The following AXDND1 variants were observed in gnomAD, a reference collection of about 807,000 sequenced individuals.
AXDND1 encodes the protein axonemal dynein light chain domain-containing protein 1.
In AXDND1, 110 loss-of-function variants were observed where a neutral mutation model predicts 137.5. The ratio of observed to expected loss-of-function variants is 0.80; its 90% CI spans 0.69 to 0.94. The LOEUF (loss-of-function observed/expected upper bound fraction) is 0.94. Ranked by LOEUF, AXDND1 falls within the 40% of genes least tolerant of loss-of-function variation. The pLI, the probability that AXDND1 is intolerant of heterozygous loss-of-function variation, is 0.00. For synonymous variants in AXDND1, 414 were observed against 399.7 expected (o/e 1.04, Z -0.43); for missense variants, 1,191 against 1,169.8 (o/e 1.02, Z -0.26).
chr1:179,400,140 C>A (rs1439384756), intron 11 of AXDND1, among the ~76,000 whole-genome samples: 2 of 152,090 alleles, frequency 1.3e-5, no homozygotes, highest in Admixed American at 6.5e-5. Context: ...CATAGTGGCA[C>A]AATTCACAAT....
At position 179,518,180 on chromosome 1, in the gene AXDND1, G is replaced by A. The variant is rs562652670; in HGVS notation, c.2497-7154G>A. On this transcript the variant is annotated intron_variant, in intron 21 of 25. Transcript: ENST00000367618. ...TCCTCGTAGCTTTAGCTTTTTCTGC[G>A]AACTGGTCCTAGTTCAGTCTTTTCT... Among the ~76,000 whole-genome samples, 15 of 152,160 alleles carry A rather than the reference G, an allele frequency of 9.9e-5. No homozygotes were observed. The South Asian group carries it at 1.7e-3, about 17-fold the overall frequency.
At chr1:179,534,299 C>T (rs1194357661) in intron 24 of AXDND1, among the ~76,000 whole-genome samples, 1 of 152,094 alleles carries the variant, frequency 6.6e-6, no homozygotes, top group Admixed American at 6.5e-5. Context: ...ATATAACGTG[C>T]TGTAGTAGCT....
intron 11 of AXDND1, among the ~76,000 whole-genome samples, chr1:179,396,176 GAA>G (rs71111985): frequency 0.38 from 40,322 of 106,082 alleles, 5,429 homozygotes; most frequent in Non-Finnish European, 0.4. Context: ...CCCATAAAAA[GAA>G]AAAAAAAAAA....
At chr1:179,448,459 A>G (rs912473912) in intron 16 of AXDND1, 2 of 499,960 alleles carry the variant, frequency 4.0e-6, no homozygotes, top group Non-Finnish European at 7.5e-6. Flanking sequence ...ACCTTTCCTT[A>G]TTTCCTTATA....
In AXDND1 at chr1:179,525,052, T is replaced by C. The variant is rs369177485; in HGVS notation, c.2497-282T>C. Among the ~76,000 whole-genome samples the C allele has an allele frequency of 1.3e-4, 20 of 152,314 alleles. 2 individuals are homozygous for C. In the East Asian group the frequency reaches 2.7e-3, roughly 21 times the overall value. The stretch of plus-strand genomic sequence containing the variant: ...ATCCTTCAAGAAAAAAACTCAAACA[T>C]TATCTCCTTCAGGAAACCTTCCTAA... On this transcript the variant is annotated intron_variant, in intron 21 of 25. Coordinates refer to ENST00000367618, the MANE Select transcript of AXDND1 (RefSeq NM_144696.6).
intron 25 of AXDND1, among the ~76,000 whole-genome samples, chr1:179,546,527 C>T (rs1672661767): frequency 6.6e-6 from 1 of 152,078 alleles, no homozygotes; most frequent in African/African-American, 2.4e-5. Flanking sequence ...AGTCAGGCTG[C>T]CGAGTGAGGC....
chr1:179,420,203 A>G (rs956132508), intron 12 of AXDND1, among the ~76,000 whole-genome samples: 1 of 152,198 alleles, frequency 6.6e-6, no homozygotes, highest in Non-Finnish European at 1.5e-5. Context: ...AAATGATGCT[A>G]TGCTTCTTGT....
At chr1:179,426,470 G>A (rs1656586467) in intron 12 of AXDND1, among the ~76,000 whole-genome samples, 1 of 151,816 alleles carries the variant, frequency 6.6e-6, no homozygotes, top group Non-Finnish European at 1.5e-5. Context: ...TGATAAACAT[G>A]AACATTTGCA....
At position 179,516,842 on chromosome 1, in the gene AXDND1, T is replaced by C. The variant is rs1233215330; in HGVS notation, c.2496+7439T>C. Among the ~76,000 whole-genome samples the C allele has an allele frequency of 2.6e-5, 4 of 152,184 alleles. No homozygotes were observed. In the East Asian group the frequency reaches 7.7e-4, roughly 29 times the overall value. On this transcript the variant is annotated intron_variant, in intron 21 of 25. Transcript: ENST00000367618. ...TCCCTCAGTCGTGGATACCAGCACC[T>C]GTTCTAGTGGAGGTGGCAGCGGGGG...
At chr1:179,509,235 A>C (rs1441059926) in intron 20 of AXDND1, 61 bp from the exon 21 acceptor site, 1 of 1,013,690 alleles carries the variant, frequency 9.9e-7, no homozygotes, top group East Asian at 2.4e-5. Context: ...TCAGTTCCTC[A>C]ATAGCGGTGA....
At chr1:179,468,277 A>G (rs1663481519) in intron 16 of AXDND1, among the ~76,000 whole-genome samples, 166 bp from the exon 17 acceptor site, 1 of 152,224 alleles carries the variant, frequency 6.6e-6, no homozygotes, top group South Asian at 2.1e-4. Flanking sequence ...TTCATTAAAC[A>G]TTTATTTAGG....
At position 179,492,867 on chromosome 1, in the gene AXDND1, G is replaced by T. The variant is rs774971846; in HGVS notation, c.2304G>T (p.Gly768=). Reference sequence around the variant, plus strand: ...CCCCTTTTTGCAGTTGTTGCAAAGGGATGGTAACAGCAATGGCTCTGAGTA... The same window carrying T: ...CCCCTTTTTGCAGTTGTTGCAAAGGTATGGTAACAGCAATGGCTCTGAGTA... The part of the protein sequence containing the change: ...YSSYLSSCCK[G]MVTAMALSKS... Residue 768 remains glycine (G), a synonymous_variant, in exon 20 of 26, where the codon GGG becomes GGT. Transcript: ENST00000367618. 1 of 1,604,592 alleles carries T rather than the reference G, an allele frequency of 6.2e-7. No homozygotes were observed.
intron 21 of AXDND1, among the ~76,000 whole-genome samples, chr1:179,519,929 C>A (rs150572349): frequency 6.6e-6 from 1 of 152,088 alleles, no homozygotes; most frequent in African/African-American, 2.4e-5. Context: ...TGAAGAATGT[C>A]AATGGTAGTT....
At chr1:179,370,981 C>G (rs1242420367) in intron 4 of AXDND1, among the ~76,000 whole-genome samples, 1 of 152,176 alleles carries the variant, frequency 6.6e-6, no homozygotes, top group African/African-American at 2.4e-5. Flanking sequence ...GAAACTTGTC[C>G]TATTGATTTT....
intron 18 of AXDND1, among the ~76,000 whole-genome samples, chr1:179,484,617 G>A (rs1038019859): frequency 2.6e-5 from 4 of 152,210 alleles, no homozygotes; most frequent in East Asian, 1.9e-4. Context: ...GCACCAGCCC[G>A]CCCATGTACT....
chr1:179,408,196 T>A (rs1653275233), intron 11 of AXDND1, among the ~76,000 whole-genome samples: 1 of 152,200 alleles, frequency 6.6e-6, no homozygotes, highest in Non-Finnish European at 1.5e-5. Context: ...GTTCTTTATC[T>A]GTGTGTCTTG....
chr1:179,465,304 T>A (rs1235998496), intron 16 of AXDND1, among the ~76,000 whole-genome samples: 2 of 152,228 alleles, frequency 1.3e-5, no homozygotes, highest in Non-Finnish European at 2.9e-5. Context: ...GGTTTTGTTG[T>A]GGATGTCCTT....
intron 15 of AXDND1, 48 bp from the exon 16 acceptor site, chr1:179,444,922 C>A: frequency 7.4e-7 from 1 of 1,343,982 alleles, no homozygotes; most frequent in Non-Finnish European, 1.0e-6. Flanking sequence ...CTTTGATAAA[C>A]TCATTAGTGG....
intron 11 of AXDND1, 118 bp from the exon 12 acceptor site, chr1:179,411,028 A>T: frequency 1.3e-6 from 1 of 755,754 alleles, no homozygotes. Context: ...TAATTACCTT[A>T]TGATGAGTTT....
Sources: allele counts gnomAD v4.1 joint callset (sites outside exome capture counted in the v4.1 genomes callset), GRCh38; gene constraint gnomAD v4.1.1; transcripts MANE v1.5; gene names NCBI Gene and HGNC (gene_info 2026-07-23, HGNC 2026-07-21).